Variants in PIERCE2 observed in about 807,000 individuals in gnomAD.
PIERCE2 encodes the protein piercer of microtubule wall 2 protein.
the PIERCE2 span, chr15:55,408,843 T>G: frequency 2.3e-6 from 3 of 1,329,146 alleles, no homozygotes. Context: ...TAGTATAATT[T>G]GAGGCACCAC....
the PIERCE2 span, among the ~76,000 whole-genome samples, chr15:55,413,955 T>C: frequency 2.6e-5 from 4 of 151,284 alleles, no homozygotes; most frequent in African/African-American, 4.8e-5. Flanking sequence ...TGGAGTGCAG[T>C]GGCAGGATCT....
the PIERCE2 span, among the ~76,000 whole-genome samples, chr15:55,413,073 C>G: frequency 3.3e-5 from 5 of 151,814 alleles, no homozygotes; most frequent in African/African-American, 1.2e-4. Context: ...TCGAGACCAT[C>G]CTGGCTAACA....
the PIERCE2 span, chr15:55,417,949 G>A: frequency 1.6e-4 from 95 of 587,172 alleles, 1 homozygote; most frequent in Middle Eastern, 9.3e-4. Context: ...GAGGTTCTGA[G>A]CCAGGAGAAG....
At chr15:55,411,439 A>G in the PIERCE2 span, among the ~76,000 whole-genome samples, 1 of 152,086 alleles carries the variant, frequency 6.6e-6, no homozygotes, top group Non-Finnish European at 1.5e-5. Flanking sequence ...ACTCCAGCTT[A>G]GGTGACAGAG....
At chr15:55,414,151 C>G in the PIERCE2 span, among the ~76,000 whole-genome samples, 1 of 151,460 alleles carries the variant, frequency 6.6e-6, no homozygotes, top group East Asian at 2.0e-4. Context: ...CCCGCCTCAG[C>G]TTCCCAAAGT....
the PIERCE2 span, among the ~76,000 whole-genome samples, chr15:55,413,782 CTG>C: frequency 4.0e-5 from 5 of 124,484 alleles, no homozygotes; most frequent in East Asian, 5.2e-4. Context: ...AAAAAAAAGA[CTG>C]TTTTTATGGG....
the PIERCE2 span, among the ~76,000 whole-genome samples, chr15:55,416,803 A>G: frequency 6.6e-6 from 1 of 151,572 alleles, no homozygotes; most frequent in East Asian, 1.9e-4. Context: ...TACTAAAAAT[A>G]AAAAAAAATT....
the PIERCE2 span, among the ~76,000 whole-genome samples, chr15:55,415,866 G>A: frequency 2.0e-5 from 3 of 152,092 alleles, no homozygotes; most frequent in African/African-American, 7.2e-5. Context: ...TTGGGCATAA[G>A]ACAATATGAG....
chr15:55,413,780 GAC>G, the PIERCE2 span, among the ~76,000 whole-genome samples: 1 of 89,478 alleles, frequency 1.1e-5, no homozygotes, highest in African/African-American at 3.8e-5. Context: ...AAAAAAAAAA[GAC>G]TGTTTTTATG....
chr15:55,413,484 C>G, the PIERCE2 span, among the ~76,000 whole-genome samples: 1 of 151,800 alleles, frequency 6.6e-6, no homozygotes, highest in Non-Finnish European at 1.5e-5. Flanking sequence ...AAGGGCCGGC[C>G]GTGGTGTCTC....
At chr15:55,418,056 G>C in the PIERCE2 span, 14 of 1,410,082 alleles carry the variant, frequency 9.9e-6, no homozygotes, top group East Asian at 2.3e-5. Context: ...GGATGTATAC[G>C]TGCAGGTCAC....
chr15:55,418,360 A>G, the PIERCE2 span: 357 of 1,538,836 alleles, frequency 2.3e-4, no homozygotes, highest in African/African-American at 4.3e-3. Flanking sequence ...CCTCACTATC[A>G]AAACCTCAAA....
the PIERCE2 span, among the ~76,000 whole-genome samples, chr15:55,409,793 AT>A: frequency 6.6e-6 from 1 of 152,242 alleles, no homozygotes; most frequent in Non-Finnish European, 1.5e-5. Context: ...CTAACTGAAA[AT>A]TAAATTACTA....
At chr15:55,412,093 C>CAAAAAAA in the PIERCE2 span, among the ~76,000 whole-genome samples, 15 of 82,062 alleles carry the variant, frequency 1.8e-4, 1 homozygote, top group Non-Finnish European at 2.6e-4. Flanking sequence ...TTTGTCTCCA[C>CAAAAAAA]AAAAAAAAAA....
chr15:55,411,241 A>G, the PIERCE2 span: 1 of 152,266 alleles, frequency 6.6e-6, no homozygotes, highest in Admixed American at 6.5e-5. Flanking sequence ...AGGTAGGCGG[A>G]TCATCAGAGG....
At chr15:55,418,224 A>G in the PIERCE2 span, 2 of 1,571,868 alleles carry the variant, frequency 1.3e-6, no homozygotes, top group Non-Finnish European at 1.7e-6. Context: ...ATCTTTTAGG[A>G]TAAGAAAAGT....
the PIERCE2 span, among the ~76,000 whole-genome samples, chr15:55,413,661 G>A: frequency 7.0e-4 from 105 of 150,056 alleles, no homozygotes; most frequent in African/African-American, 2.4e-3. Context: ...TCGGGAGGCT[G>A]AGGCAGGAGA....
chr15:55,413,522 G>A, the PIERCE2 span, among the ~76,000 whole-genome samples: 1,192 of 152,138 alleles, frequency 7.8e-3, 13 homozygotes, highest in African/African-American at 0.024. Context: ...ACTTTGGGAG[G>A]CCAAGGCAGG....
chr15:55,411,035 C>T, the PIERCE2 span: 3 of 152,212 alleles, frequency 2.0e-5, no homozygotes, highest in Non-Finnish European at 4.4e-5. Context: ...CTATTTCCAG[C>T]TTTGCCAACT....
Sources: gnomAD v4.1 joint callset for allele counts (sites outside exome capture counted in the v4.1 genomes callset) on GRCh38, gnomAD v4.1.1 for gene constraint, MANE v1.5 for transcripts, NCBI Gene and HGNC (gene_info 2026-07-23, HGNC 2026-07-21) for gene names.